DOCK3: variants seen among roughly 807,000 people sequenced by gnomAD.
DOCK3 encodes the protein dedicator of cytokinesis protein 3.
In DOCK3, 60 loss-of-function variants were observed where a neutral mutation model predicts 265.6. The observed-to-expected ratio is 0.23, with a 90% CI of 0.18 to 0.28. The LOEUF (loss-of-function observed/expected upper bound fraction) is 0.28. Ranked by LOEUF, DOCK3 falls within the 10% of genes least tolerant of loss-of-function variation. DOCK3 has a pLI of 1.00. For synonymous variants in DOCK3, 881 were observed against 938.0 expected, an observed-to-expected ratio of 0.94 and a Z score of 1.11; for missense variants, 1,981 against 2,594.3, an observed-to-expected ratio of 0.76 and a Z score of 5.14.
chr3:51,060,743 A>G (rs1217832100), intron 5 of DOCK3, among the ~76,000 whole-genome samples: 3 of 152,110 alleles, frequency 2.0e-5, no homozygotes, highest in Non-Finnish European at 4.4e-5. Context: ...GTTCTGTTCC[A>G]TTGGTCTATA....
intron 5 of DOCK3, among the ~76,000 whole-genome samples, chr3:51,013,514 T>C (rs2079032878): frequency 6.6e-6 from 1 of 152,200 alleles, no homozygotes; most frequent in Admixed American, 6.5e-5. Flanking sequence ...GAATAGCAAA[T>C]ATTGCTGCCT....
chr3:50,822,254 TA>T (rs2044482913), intron 2 of DOCK3, among the ~76,000 whole-genome samples: 2 of 152,182 alleles, frequency 1.3e-5, no homozygotes, highest in Non-Finnish European at 2.9e-5. Flanking sequence ...TATTTTATTT[TA>T]TTTTTTTGTG....
chr3:50,834,389 A>C (rs771785194), intron 2 of DOCK3, among the ~76,000 whole-genome samples: 7 of 152,202 alleles, frequency 4.6e-5, no homozygotes, highest in Non-Finnish European at 8.8e-5. Context: ...ACAATTTTAC[A>C]TAACAAGTTA....
intron 1 of DOCK3, among the ~76,000 whole-genome samples, chr3:50,752,496 A>G (rs143426950): frequency 0.023 from 2,845 of 125,170 alleles, 114 homozygotes; most frequent in African/African-American, 0.081. Context: ...CGACAGAGCG[A>G]GAGTCCGTCT....
intron 14 of DOCK3, among the ~76,000 whole-genome samples, chr3:51,223,492 T>A (rs1454472343): frequency 1.3e-5 from 2 of 152,060 alleles, no homozygotes; most frequent in Non-Finnish European, 2.9e-5. Flanking sequence ...TTCTTTAGAT[T>A]AAGCATTAAA....
chr3:51,175,779 G>A (rs546563927), intron 12 of DOCK3, among the ~76,000 whole-genome samples: 110 of 152,294 alleles, frequency 7.2e-4, no homozygotes, highest in African/African-American at 2.6e-3. Flanking sequence ...GAAGGTTCTG[G>A]TCTTTGTATA....
At chr3:50,689,981 C>T (rs1158562941) in intron 1 of DOCK3, among the ~76,000 whole-genome samples, 1 of 152,044 alleles carries the variant, frequency 6.6e-6, no homozygotes, top group African/African-American at 2.4e-5. Context: ...TGATGAAGTC[C>T]AATTTATCTG....
intron 5 of DOCK3, among the ~76,000 whole-genome samples, chr3:50,943,882 A>G (rs1330673388): frequency 6.6e-6 from 1 of 152,180 alleles, no homozygotes; most frequent in Non-Finnish European, 1.5e-5. Context: ...GCTCATTATT[A>G]GGTGTTAGTT....
rs1317158658 is a variant in DOCK3 at position 50,745,409 on chromosome 3, A to G, written c.38-33266A>G. Among the ~76,000 whole-genome samples, 11 of 152,320 alleles carry G rather than the reference A, an allele frequency of 7.2e-5. No homozygotes were observed. In the South Asian group the frequency reaches 2.1e-3, roughly 29 times the overall value. On this transcript the variant is annotated intron_variant, in intron 1 of 52. Coordinates refer to ENST00000266037, the MANE Select transcript of DOCK3 (RefSeq NM_004947.5). The stretch of plus-strand genomic sequence containing the variant: ...TTGCTTTGGGTAGTAATGTTATTTT[A>G]ACAATAAGTCTTCCAATCCATGAAT...
intron 2 of DOCK3, among the ~76,000 whole-genome samples, chr3:50,835,168 CCTGT>C (rs1453958147): frequency 2.0e-5 from 3 of 152,136 alleles, no homozygotes; most frequent in Non-Finnish European, 4.4e-5. Context: ...TCAGCTATAT[CCTGT>C]CTAACTTAAA....
intron 21 of DOCK3, among the ~76,000 whole-genome samples, chr3:51,239,199 T>TTTTA (rs4028194): frequency 0.12 from 17,190 of 146,634 alleles, 2,034 homozygotes; most frequent in East Asian, 0.32. Flanking sequence ...AAAGCGTACT[T>TTTTA]TTTATTTATT....
chr3:50,786,129 A>T (rs1317677430), intron 2 of DOCK3, among the ~76,000 whole-genome samples: 1 of 151,768 alleles, frequency 6.6e-6, no homozygotes, highest in African/African-American at 2.4e-5. Flanking sequence ...GATCTTTTGT[A>T]TTTCTTTGGT....
At chr3:51,027,793 C>A (rs1446407266) in intron 5 of DOCK3, among the ~76,000 whole-genome samples, 2 of 151,764 alleles carry the variant, frequency 1.3e-5, no homozygotes, top group Non-Finnish European at 2.9e-5. Flanking sequence ...TTTGCATGAT[C>A]TTTATCTCTT....
chr3:50,805,614 A>G (rs2043362953), intron 2 of DOCK3, among the ~76,000 whole-genome samples: 1 of 152,168 alleles, frequency 6.6e-6, no homozygotes, highest in South Asian at 2.1e-4. Flanking sequence ...GGATGTGGAC[A>G]CAAGACTTCT....
At position 51,228,102 on chromosome 3, in the gene DOCK3, C is replaced by T; in HGVS notation, c.1647+14C>T. On this transcript the variant is annotated intron_variant, in intron 17 of 52. Transcript: ENST00000266037. Reference sequence around the variant, plus strand: ...TATGTGTACAAGGTATGAAGCCTAGCTGCCTTTCATCCCCACCCCTTACCT... The same window carrying T: ...TATGTGTACAAGGTATGAAGCCTAGTTGCCTTTCATCCCCACCCCTTACCT... The T allele has an allele frequency of 6.2e-7, 1 of 1,613,064 alleles. No homozygotes were observed. Among genetic ancestry groups the T allele is most frequent in the South Asian group, 1.1e-5 (1 of 91,018 alleles).
chr3:50,793,399 C>A (rs555567496), intron 2 of DOCK3, among the ~76,000 whole-genome samples: 1 of 143,992 alleles, frequency 6.9e-6, no homozygotes, highest in African/African-American at 2.6e-5. Flanking sequence ...GCTCTTGTTG[C>A]CCAGGCTGGA....
chr3:51,110,561 C>G (rs1019602434), intron 9 of DOCK3, among the ~76,000 whole-genome samples: 1 of 152,098 alleles, frequency 6.6e-6, no homozygotes, highest in Non-Finnish European at 1.5e-5. Context: ...TGATTAAACA[C>G]ATAAATAGAA....
intron 8 of DOCK3, among the ~76,000 whole-genome samples, chr3:51,089,573 C>T (rs781718357): frequency 5.3e-5 from 8 of 151,992 alleles, no homozygotes; most frequent in African/African-American, 1.2e-4. Context: ...GTAAATCAAG[C>T]GCATTGGGGT....
intron 5 of DOCK3, among the ~76,000 whole-genome samples, chr3:51,031,836 G>A (rs564169211): frequency 1.3e-5 from 2 of 152,294 alleles, no homozygotes; most frequent in Admixed American, 1.3e-4. Flanking sequence ...GGAACTTCCA[G>A]CATGTGAGAA....
Sources: allele counts gnomAD v4.1 joint callset (sites outside exome capture counted in the v4.1 genomes callset), GRCh38; gene constraint gnomAD v4.1.1; transcripts MANE v1.5; gene names NCBI Gene and HGNC (gene_info 2026-07-23, HGNC 2026-07-21).